The following DAB2 variants were observed in gnomAD, a reference collection of about 807,000 sequenced individuals.
The protein encoded by DAB2 is DAB adaptor protein 2.
A neutral mutation model predicts 71.6 loss-of-function variants in DAB2; 28 were observed. That is an observed-to-expected ratio of 0.39 (90% CI 0.29 to 0.54). DAB2 has a LOEUF of 0.54. Among genes scored for constraint, DAB2 ranks in the 20% least tolerant of loss-of-function variants. DAB2 has a pLI of 0.68. For synonymous variants in DAB2, 345 were observed against 339.7 expected, an observed-to-expected ratio of 1.02 and a Z score of -0.17; for missense variants, 867 against 928.8, an observed-to-expected ratio of 0.93 and a Z score of 0.86.
At chr5:39,398,665 A>G (rs948909495) in intron 1 of DAB2, among the ~76,000 whole-genome samples, 13 of 152,180 alleles carry the variant, frequency 8.5e-5, no homozygotes, top group Middle Eastern at 3.2e-3. Context: ...TACAGGCCCC[A>G]AGACTACAAA....
intron 1 of DAB2, among the ~76,000 whole-genome samples, chr5:39,401,716 A>G (rs1240164056): frequency 1.4e-5 from 2 of 140,956 alleles, no homozygotes; most frequent in Non-Finnish European, 3.1e-5. Flanking sequence ...TGTTAAAGAC[A>G]TACCTGAGAC....
intron 1 of DAB2, among the ~76,000 whole-genome samples, chr5:39,398,428 G>T (rs948774216): frequency 6.6e-6 from 1 of 152,128 alleles, no homozygotes; most frequent in Non-Finnish European, 1.5e-5. Flanking sequence ...TGCTTTAAAG[G>T]TAATTGATTT....
chr5:39,414,276 TAAG>T (rs1755798016), intron 1 of DAB2, among the ~76,000 whole-genome samples: 1 of 151,956 alleles, frequency 6.6e-6, no homozygotes, highest in Non-Finnish European at 1.5e-5. Context: ...CACAGGGAAA[TAAG>T]AAACAAAACA....
chr5:39,388,396 A>T (rs1755146648), intron 8 of DAB2, 29 bp from the exon 9 acceptor site: 2 of 1,466,324 alleles, frequency 1.4e-6, no homozygotes, highest in Non-Finnish European at 1.9e-6. Context: ...TTAGATTCAG[A>T]TGTGTCTACT....
intron 14 of DAB2, among the ~76,000 whole-genome samples, chr5:39,374,395 G>A (rs191582291): frequency 5.7e-4 from 87 of 152,254 alleles, no homozygotes; most frequent in Non-Finnish European, 2.9e-5. Context: ...AGCTGAGGGT[G>A]ATTCTACCTA....
At position 39,377,299 on chromosome 5, in the gene DAB2, A is replaced by G; in HGVS notation, c.1505-17T>C. Reference sequence around the variant, plus strand: ...TTACACCACCTGAAGTAAGAGGAAGAAAAATACTTATCAGGAGTCAAGCTT... The same window carrying G: ...TTACACCACCTGAAGTAAGAGGAAGGAAAATACTTATCAGGAGTCAAGCTT... On this transcript the variant is annotated splice_polypyrimidine_tract_variant and intron_variant, in intron 11 of 14. Transcript: ENST00000320816. The G allele has an allele frequency of 3.8e-6, 6 of 1,597,282 alleles. No homozygotes were observed. The highest frequency in any genetic ancestry group is 5.1e-6 in the Non-Finnish European group (6 of 1,171,696).
intron 1 of DAB2, among the ~76,000 whole-genome samples, chr5:39,402,768 T>C (rs1401956671): frequency 6.6e-6 from 1 of 152,166 alleles, no homozygotes; most frequent in East Asian, 1.9e-4. Flanking sequence ...GGTTTGCCAG[T>C]GTAAGAGCCA....
At chr5:39,398,807 G>A (rs1755436509) in intron 1 of DAB2, among the ~76,000 whole-genome samples, 1 of 152,186 alleles carries the variant, frequency 6.6e-6, no homozygotes, top group African/African-American at 2.4e-5. Flanking sequence ...TCATAGACTT[G>A]TCAAATAGGC....
At chr5:39,397,951 G>T (rs1038743763) in intron 1 of DAB2, among the ~76,000 whole-genome samples, 1 of 152,128 alleles carries the variant, frequency 6.6e-6, no homozygotes, top group Non-Finnish European at 1.5e-5. Context: ...GATCTGTCTT[G>T]CTTAGGTCAG....
chr5:39,389,720 C>T, intron 6 of DAB2, 132 bp downstream of exon 6: 2 of 565,550 alleles, frequency 3.5e-6, no homozygotes, highest in Admixed American at 7.6e-5. Flanking sequence ...CCATGTTGGC[C>T]AGGCTGGTCT....
chr5:39,393,207 T>C, intron 3 of DAB2, 47 bp downstream of exon 3: 1 of 1,588,178 alleles, frequency 6.3e-7, no homozygotes, highest in East Asian at 2.2e-5. Context: ...ATTCCCTCTC[T>C]TGGACTTTTG....
rs1755156002 is a variant in DAB2 at position 39,388,794 on chromosome 5, C to T, written c.624+5G>A. Reference sequence around the variant, plus strand: ...AACTGTCAAACGTCACATATTAATACATACCGATTTCAGTTTGTTAGTTTG... The same window carrying T: ...AACTGTCAAACGTCACATATTAATATATACCGATTTCAGTTTGTTAGTTTG... On this transcript the variant is annotated splice_donor_5th_base_variant and intron_variant, in intron 8 of 14. Coordinates refer to ENST00000320816, the MANE Select transcript of DAB2 (RefSeq NM_001343.4). 3 of 1,611,478 alleles carry T rather than the reference C, an allele frequency of 1.9e-6. No individual in the cohort carries two copies. Among genetic ancestry groups the T allele is most frequent in the Non-Finnish European group, 2.5e-6 (3 of 1,177,900 alleles).
chr5:39,421,549 T>C (rs1258696425), intron 1 of DAB2, among the ~76,000 whole-genome samples: 2 of 152,272 alleles, frequency 1.3e-5, no homozygotes, highest in East Asian at 1.9e-4. Context: ...TACTATCCAA[T>C]TGTGCCCTGT....
intron 1 of DAB2, among the ~76,000 whole-genome samples, chr5:39,421,563 A>G (rs1279185525): frequency 6.6e-6 from 1 of 152,156 alleles, no homozygotes; most frequent in Non-Finnish European, 1.5e-5. Context: ...GCCCTGTTGG[A>G]GGCAGCCAGT....
intron 1 of DAB2, among the ~76,000 whole-genome samples, chr5:39,404,767 C>T (rs1167949884): frequency 5.3e-5 from 8 of 152,112 alleles, no homozygotes; most frequent in African/African-American, 1.9e-4. Flanking sequence ...TTAGTAGAGA[C>T]AGGGTCTCAC....
At chr5:39,374,432 A>C (rs748785967) in intron 14 of DAB2, among the ~76,000 whole-genome samples, 10 of 152,170 alleles carry the variant, frequency 6.6e-5, no homozygotes, top group Admixed American at 1.3e-4. Context: ...AAAGTTCATG[A>C]GACAGAAGAA....
chr5:39,413,015 T>A (rs1024950605), intron 1 of DAB2, among the ~76,000 whole-genome samples: 3 of 152,028 alleles, frequency 2.0e-5, no homozygotes, highest in Non-Finnish European at 2.9e-5. Context: ...AAAAGGTGGG[T>A]CAAACTGGAT....
At chr5:39,375,877 C>T in intron 13 of DAB2, 120 bp downstream of exon 13, 1 of 784,342 alleles carries the variant, frequency 1.3e-6, no homozygotes, top group Non-Finnish European at 2.0e-6. Flanking sequence ...CAGAGCAAGA[C>T]TCTGTCTTAA....
intron 1 of DAB2, among the ~76,000 whole-genome samples, chr5:39,405,088 G>A (rs1355404395): frequency 2.0e-5 from 3 of 152,204 alleles, no homozygotes; most frequent in South Asian, 2.1e-4. Flanking sequence ...CTGGCCTCTC[G>A]GCAAAGCTGG....
Sources: allele counts gnomAD v4.1 joint callset (sites outside exome capture counted in the v4.1 genomes callset), GRCh38; gene constraint gnomAD v4.1.1; transcripts MANE v1.5; gene names NCBI Gene and HGNC (gene_info 2026-07-23, HGNC 2026-07-21).